NALF1: variants seen among roughly 807,000 people sequenced by gnomAD.
NALF1 encodes family with sequence similarity 155 member A.
Under a neutral mutation model 48.4 loss-of-function variants are expected in NALF1, and 3 were observed. The ratio of observed to expected loss-of-function variants is 0.06; its 90% CI spans 0.03 to 0.16. NALF1 has a LOEUF of 0.16. Among genes scored for constraint, NALF1 ranks in the 10% least tolerant of loss-of-function variants. NALF1 has a pLI of 1.00. For synonymous variants in NALF1, 262 were observed against 245.7 expected (o/e 1.07, Z -0.62); for missense variants, 526 against 571.5 (o/e 0.92, Z 0.81).
chr13:107,680,620 GTA>G (rs1881270561), intron 1 of NALF1, among the ~76,000 whole-genome samples: 1 of 107,916 alleles, frequency 9.3e-6, no homozygotes, highest in Non-Finnish European at 2.2e-5. Flanking sequence ...GAGTGAGGGT[GTA>G]TGTTTGTGAG....
intron 1 of NALF1, among the ~76,000 whole-genome samples, chr13:107,852,404 G>GC (rs771761186): frequency 3.9e-5 from 6 of 152,184 alleles, no homozygotes; most frequent in Non-Finnish European, 8.8e-5. Context: ...TTTTTAAGAA[G>GC]CAATATTCAT....
At chr13:107,862,913 T>C (rs2138651575) in intron 1 of NALF1, among the ~76,000 whole-genome samples, 1 of 151,934 alleles carries the variant, frequency 6.6e-6, no homozygotes, top group Admixed American at 6.5e-5. Flanking sequence ...CATTACTCAT[T>C]TAATTATAAA....
At chr13:107,562,040 T>C (rs530497696) in intron 1 of NALF1, among the ~76,000 whole-genome samples, 1 of 152,354 alleles carries the variant, frequency 6.6e-6, no homozygotes, top group South Asian at 2.1e-4. Flanking sequence ...GTATTCCTAA[T>C]GTATAACAAT....
intron 1 of NALF1, among the ~76,000 whole-genome samples, chr13:107,650,306 AC>A (rs974371107): frequency 2.3e-4 from 35 of 149,300 alleles, no homozygotes; most frequent in African/African-American, 8.3e-4. Context: ...AGGCTGCGCC[AC>A]CTAGTGGCTG....
At chr13:107,803,581 T>A (rs1878685642) in intron 1 of NALF1, among the ~76,000 whole-genome samples, 1 of 152,188 alleles carries the variant, frequency 6.6e-6, no homozygotes, top group African/African-American at 2.4e-5. Context: ...AATTGTATCA[T>A]GTTTTCCAGT....
chr13:107,539,396 G>C (rs1383659412), intron 1 of NALF1, among the ~76,000 whole-genome samples: 2 of 150,690 alleles, frequency 1.3e-5, no homozygotes, highest in Non-Finnish European at 2.9e-5. Context: ...ATCCATTGAA[G>C]AGGGCTCTGC....
chr13:107,788,353 T>G (rs1230283984), intron 1 of NALF1: 1 of 152,190 alleles, frequency 6.6e-6, no homozygotes, highest in Non-Finnish European at 1.5e-5. Context: ...CCTTTTTAAT[T>G]TTTCTATTTG....
At chr13:107,782,608 G>A (rs1877928536) in intron 1 of NALF1, among the ~76,000 whole-genome samples, 1 of 150,528 alleles carries the variant, frequency 6.6e-6, no homozygotes, top group Non-Finnish European at 1.5e-5. Context: ...AGGAAGTGAG[G>A]AGCGCCTCTT....
At chr13:107,247,510 A>G (rs1167164981) in intron 1 of NALF1, among the ~76,000 whole-genome samples, 4 of 152,184 alleles carry the variant, frequency 2.6e-5, no homozygotes, top group Non-Finnish European at 5.9e-5. Context: ...AACTTTTAAA[A>G]ATCCTTAGCA....
At chr13:107,176,992 A>G (rs541325964) in intron 2 of NALF1, among the ~76,000 whole-genome samples, 94 of 152,204 alleles carry the variant, frequency 6.2e-4, no homozygotes, top group African/African-American at 2.2e-3. Flanking sequence ...CTCCACCAAA[A>G]AACTGTTAGA....
intron 1 of NALF1, among the ~76,000 whole-genome samples, chr13:107,527,042 C>T (rs1005059264): frequency 6.6e-6 from 1 of 152,040 alleles, no homozygotes; most frequent in Non-Finnish European, 1.5e-5. Context: ...TCATATAAGC[C>T]CCAATGTTTG....
At chr13:107,356,196 C>T (rs1237961066) in intron 1 of NALF1, among the ~76,000 whole-genome samples, 3 of 152,102 alleles carry the variant, frequency 2.0e-5, no homozygotes, top group African/African-American at 7.2e-5. Context: ...GTGACCACTG[C>T]TCTGAAAGTA....
At chr13:107,473,528 T>G (rs180813698) in intron 1 of NALF1, among the ~76,000 whole-genome samples, 2 of 152,174 alleles carry the variant, frequency 1.3e-5, no homozygotes, top group Non-Finnish European at 2.9e-5. Context: ...CAAATGGTGG[T>G]TGTTTCTCTG....
chr13:107,647,043 T>C (rs1305535033), intron 1 of NALF1, among the ~76,000 whole-genome samples: 2 of 152,104 alleles, frequency 1.3e-5, no homozygotes, highest in Non-Finnish European at 2.9e-5. Flanking sequence ...AGAATGCTTA[T>C]TGTAGCTTTA....
chr13:107,331,079 A>G (rs1036891572), intron 1 of NALF1, among the ~76,000 whole-genome samples: 1 of 152,222 alleles, frequency 6.6e-6, no homozygotes, highest in Non-Finnish European at 1.5e-5. Flanking sequence ...AAGAAATACT[A>G]TTAGTAACAG....
At chr13:107,427,171 A>T (rs1884294801) in intron 1 of NALF1, among the ~76,000 whole-genome samples, 1 of 151,634 alleles carries the variant, frequency 6.6e-6, no homozygotes. Context: ...TCAAGTAGAT[A>T]AGTACACAGA....
chr13:107,486,194 G>A (rs74114565), intron 1 of NALF1, among the ~76,000 whole-genome samples: 3,015 of 152,176 alleles, frequency 0.02, 100 homozygotes, highest in African/African-American at 0.069. Flanking sequence ...GTTTCCTCTT[G>A]GCCAAGATTG....
chr13:107,450,717 G>C (rs1884726958), intron 1 of NALF1, among the ~76,000 whole-genome samples: 1 of 152,176 alleles, frequency 6.6e-6, no homozygotes, highest in South Asian at 2.1e-4. Flanking sequence ...ATGGAGAAAT[G>C]AAGTGGGGCT....
chr13:107,702,254 T>TA (rs11402680), intron 1 of NALF1, among the ~76,000 whole-genome samples: 50,666 of 150,880 alleles, frequency 0.34, 8,699 homozygotes, highest in Middle Eastern at 0.53. Context: ...TTTCACTCTG[T>TA]AAAAAAAAAG....
Sources: gnomAD v4.1 joint callset for allele counts (sites outside exome capture counted in the v4.1 genomes callset) on GRCh38, gnomAD v4.1.1 for gene constraint, MANE v1.5 for transcripts, NCBI Gene and HGNC (gene_info 2026-07-23, HGNC 2026-07-21) for gene names.